Variants in ARSG observed in about 807,000 individuals in gnomAD.
ARSG encodes ASG.
A neutral mutation model predicts 50.5 loss-of-function variants in ARSG; 37 were observed. The ratio of observed to expected loss-of-function variants is 0.73; its 90% CI spans 0.56 to 0.96. The LOEUF (loss-of-function observed/expected upper bound fraction) is 0.96, where lower values mean the gene tolerates loss of function less well. ARSG is among the 50% of genes least tolerant of loss of function. The probability of loss-of-function intolerance (pLI) is 0.00; values close to 1 mark genes in which losing one functional copy is unlikely to be tolerated. For synonymous variants in ARSG, 225 were observed against 254.6 expected, an observed-to-expected ratio of 0.88 and a Z score of 1.11; for missense variants, 629 against 675.3, an observed-to-expected ratio of 0.93 and a Z score of 0.76.
the ARSG span, chr17:68,434,761 G>A: frequency 1.2e-6 from 1 of 814,522 alleles, no homozygotes; most frequent in African/African-American, 1.7e-5. Context: ...GAGCATAGAG[G>A]CATGTTTATT....
chr17:68,294,560 AG>A (rs2076140339), intron 1 of ARSG, among the ~76,000 whole-genome samples: 1 of 152,108 alleles, frequency 6.6e-6, no homozygotes, highest in Non-Finnish European at 1.5e-5. Flanking sequence ...CAGCCATCAA[AG>A]GGGGAGAATA....
At chr17:68,391,148 T>C (rs770359189) in intron 9 of ARSG, among the ~76,000 whole-genome samples, 10 of 152,086 alleles carry the variant, frequency 6.6e-5, no homozygotes, top group African/African-American at 2.4e-4. Context: ...TGGGGTGCCC[T>C]TGGTAGCCTT....
chr17:68,271,960 G>A lies in ARSG; in HGVS notation c.-552+12534G>A, dbSNP rs2075355745. On this transcript the variant is annotated intron_variant, in intron 1 of 11. Transcript: ENST00000448504. This position sits in a 1 kb window ranked among gnomAD's most constrained non-coding sequence, Gnocchi z 5.3. ...TGGGACTATAGGCGTGCGCCACCAC[G>A]ACCAGCCAATTTTTGTATTTTTAGT... Among the ~76,000 whole-genome samples, 3 of 152,098 alleles carry A rather than the reference G, an allele frequency of 2.0e-5. No homozygotes were observed. The highest frequency in any genetic ancestry group is 4.8e-5 in the African/African-American group (2 of 41,408).
At chr17:68,347,970 C>T (rs189084000) in intron 4 of ARSG, among the ~76,000 whole-genome samples, 4 of 152,278 alleles carry the variant, frequency 2.6e-5, no homozygotes, top group Admixed American at 2.0e-4. Context: ...CTAGACCTGG[C>T]GGAAGGTTTG....
intron 1 of ARSG, among the ~76,000 whole-genome samples, chr17:68,277,632 G>A (rs1261204234): frequency 1.3e-5 from 2 of 152,164 alleles, no homozygotes; most frequent in East Asian, 3.9e-4. Context: ...GTTTCGCCAT[G>A]TTGGCCAGCC....
rs899152955 is a variant in ARSG at position 68,401,445 on chromosome 17, T to C, written c.1298T>C (p.Ile433Thr). 6 of 1,613,728 alleles carry C rather than the reference T, an allele frequency of 3.7e-6. No individual in the cohort carries two copies. Among genetic ancestry groups the C allele is most frequent in the Non-Finnish European group, 5.1e-6 (6 of 1,179,708 alleles). The change falls in exon 11 of 12, where the codon ATT (isoleucine) becomes ACT (threonine). Residue 433 changes from isoleucine to threonine, a missense_variant. Physicochemically the swap from Ile to Thr is moderately conservative, Grantham distance 89. Transcript: ENST00000621439. ...CTGGAGCGTTACAAGGCCTTCTACA[T>C]TACCGGTGAGTGAGGGGCCACTTAG... ...VRLERYKAFY[I>T]TGGARACDGS...
chr17:68,379,725 A>G (rs1334099304), intron 8 of ARSG: 2 of 673,726 alleles, frequency 3.0e-6, no homozygotes, highest in South Asian at 6.7e-5. Context: ...CAGTGTTAGG[A>G]ATTCAATATG....
chr17:68,352,690 A>G (rs2146412761), intron 5 of ARSG, among the ~76,000 whole-genome samples: 1 of 152,078 alleles, frequency 6.6e-6, no homozygotes, highest in East Asian at 1.9e-4. Context: ...TTGTATTTTT[A>G]GAAGAGACGG....
At chr17:68,354,658 T>A (rs2078954532) in intron 5 of ARSG, among the ~76,000 whole-genome samples, 2 of 151,984 alleles carry the variant, frequency 1.3e-5, no homozygotes, top group Admixed American at 1.3e-4. Flanking sequence ...CCGAGGTGGG[T>A]GGATTGCTTG....
chr17:68,294,870 G>A (rs183309623), intron 1 of ARSG, among the ~76,000 whole-genome samples: 17 of 152,240 alleles, frequency 1.1e-4, no homozygotes, highest in African/African-American at 4.1e-4. Flanking sequence ...TTCACAGTTT[G>A]TAGGAAGGCA....
chr17:68,412,220 G>A (rs2082043408), intron 11 of ARSG, among the ~76,000 whole-genome samples: 1 of 152,146 alleles, frequency 6.6e-6, no homozygotes, highest in Non-Finnish European at 1.5e-5. Context: ...TAGTCTCGAT[G>A]GCCTTTACAT....
chr17:68,415,827 A>G (rs2082330629), intron 11 of ARSG, among the ~76,000 whole-genome samples: 1 of 152,138 alleles, frequency 6.6e-6, no homozygotes, highest in African/African-American at 2.4e-5. Flanking sequence ...CTGATATAAG[A>G]TAGCTACCCC....
chr17:68,296,828 T>C (rs925103639), intron 1 of ARSG, among the ~76,000 whole-genome samples: 1 of 152,216 alleles, frequency 6.6e-6, no homozygotes, highest in Non-Finnish European at 1.5e-5. Context: ...CATGCGATTG[T>C]TACGTAAAAC....
At chr17:68,342,802 T>C (rs897974983) in intron 2 of ARSG, among the ~76,000 whole-genome samples, 3 of 152,112 alleles carry the variant, frequency 2.0e-5, no homozygotes, top group African/African-American at 7.2e-5. Context: ...AAGCCATGGC[T>C]CTAAATACAC....
At chr17:68,380,208 T>C (rs1249978173) in intron 8 of ARSG, among the ~76,000 whole-genome samples, 1 of 151,250 alleles carries the variant, frequency 6.6e-6, no homozygotes, top group Non-Finnish European at 1.5e-5. Context: ...CTACCTTCCT[T>C]CCTCCTTCCT....
intron 8 of ARSG, among the ~76,000 whole-genome samples, chr17:68,382,818 G>T (rs1179373609): frequency 6.6e-6 from 1 of 152,210 alleles, no homozygotes; most frequent in East Asian, 1.9e-4. Context: ...TACAAGGTCT[G>T]TGGACCTGTG....
intron 1 of ARSG, among the ~76,000 whole-genome samples, chr17:68,266,352 T>G (rs1278436609): frequency 1.3e-5 from 2 of 149,224 alleles, no homozygotes; most frequent in African/African-American, 4.9e-5. Flanking sequence ...AAAATCGTCC[T>G]GTTTTCAATG....
chr17:68,342,329 TATATATATATAC>T (rs1342893635), intron 2 of ARSG, among the ~76,000 whole-genome samples: 1 of 150,352 alleles, frequency 6.7e-6, no homozygotes, highest in Non-Finnish European at 1.5e-5. Flanking sequence ...TTTATGTACA[TATATATATATAC>T]ATATATATAT....
In ARSG at chr17:68,317,612, A is replaced by G. The variant is rs951186938; in HGVS notation, c.218+9901A>G. 5.9e-5 allele frequency among the ~76,000 whole-genome samples: 9 copies of G among 152,124 alleles called. No homozygotes were observed. In the South Asian group the frequency reaches 6.2e-4, roughly 10 times the overall value. ...GGCCCCAAGTCCCCTCGCACATGTC[A>G]GTAGGTTAAGCAGCCAACCTATTTT... is the stretch of plus-strand genomic sequence containing the variant. On this transcript the variant is annotated intron_variant, in intron 2 of 11. Transcript: ENST00000621439.
Sources: allele counts gnomAD v4.1 joint callset (sites outside exome capture counted in the v4.1 genomes callset), GRCh38; gene constraint gnomAD v4.1.1; non-coding constraint Gnocchi (gnomAD v3.1); transcripts MANE v1.5; gene names NCBI Gene and HGNC (gene_info 2026-07-23, HGNC 2026-07-21).